Variants in GSTCD observed in about 807,000 individuals in gnomAD.
GSTCD encodes glutathione S-transferase C-terminal domain containing, also known as glutathione S-transferase C-terminal domain-containing protein.
In GSTCD, 44 loss-of-function variants were observed where a neutral mutation model predicts 68.3. The ratio of observed to expected loss-of-function variants is 0.64; its 90% CI spans 0.51 to 0.83. GSTCD has a LOEUF of 0.83. Among genes scored for constraint, GSTCD ranks in the 40% least tolerant of loss-of-function variants. GSTCD has a pLI of 0.00. For missense variants in GSTCD, 739 were observed against 735.9 expected, an observed-to-expected ratio of 1.00 and a Z score of -0.05; for synonymous variants, 273 against 255.2, an observed-to-expected ratio of 1.07 and a Z score of -0.67.
intron 5 of GSTCD, among the ~76,000 whole-genome samples, chr4:105,753,639 A>G (rs1014329530): frequency 3.3e-5 from 5 of 151,996 alleles, no homozygotes; most frequent in African/African-American, 1.2e-4. Context: ...ATGTACAAAT[A>G]TTATGCCATT....
At chr4:105,771,230 T>C (rs538529519) in intron 5 of GSTCD, among the ~76,000 whole-genome samples, 1 of 152,290 alleles carries the variant, frequency 6.6e-6, no homozygotes, top group Admixed American at 6.5e-5. Context: ...TTTTTTTTCT[T>C]GCAAATTTGT....
intron 10 of GSTCD, among the ~76,000 whole-genome samples, chr4:105,841,061 A>G (rs558464486): frequency 7.9e-5 from 12 of 152,270 alleles, no homozygotes; most frequent in Non-Finnish European, 1.6e-4. Context: ...CATGCCTGTA[A>G]TCCCAGCACT....
intron 3 of GSTCD, among the ~76,000 whole-genome samples, chr4:105,719,768 CTCAA>C (rs1732803580): frequency 1.3e-5 from 2 of 152,198 alleles, no homozygotes; most frequent in South Asian, 2.1e-4. Flanking sequence ...ATAGTAAGCT[CTCAA>C]TCAAAGTTAG....
intron 9 of GSTCD, among the ~76,000 whole-genome samples, chr4:105,835,622 A>ATCTCTTCTCTCCTTC: frequency 6.6e-6 from 1 of 152,072 alleles, no homozygotes. Flanking sequence ...GAAGGGCCGC[A>ATCTCTTCTCTCCTTC]TCTCTTCTCT....
Position 105,714,463 on chromosome 4 carries a change from A to ATT in GSTCD, c.-21-3118_-21-3117dup, listed in dbSNP as rs200198978. Reference sequence around the variant, plus strand: ...AGCTAGAAAAGAAAAAAGAGGAAGGATTTTTTTTTTTTTGCCTGTGATATT... The same window carrying ATT: ...AGCTAGAAAAGAAAAAAGAGGAAGGATTTTTTTTTTTTTTTGCCTGTGATATT... On this transcript the variant is annotated intron_variant, in intron 1 of 11. Coordinates refer to ENST00000515279, the MANE Select transcript of GSTCD (RefSeq NM_001370181.1). 1.8e-4 allele frequency among the ~76,000 whole-genome samples: 26 copies of ATT among 144,390 alleles called. No homozygotes were observed. The East Asian group carries it at 3.8e-3, about 21-fold the overall frequency. 94.7% of individuals were successfully genotyped at this position (144,390 alleles called of 152,430 possible).
intron 8 of GSTCD, among the ~76,000 whole-genome samples, chr4:105,831,248 A>C (rs896919661): frequency 2.0e-5 from 3 of 152,190 alleles, no homozygotes; most frequent in African/African-American, 7.2e-5. Context: ...CCTTCTTCGA[A>C]AAGCAACACC....
intron 5 of GSTCD, among the ~76,000 whole-genome samples, chr4:105,755,237 C>A (rs961583466): frequency 6.6e-5 from 10 of 151,490 alleles, no homozygotes; most frequent in Admixed American, 5.3e-4. Flanking sequence ...CAGTGAGACC[C>A]TGTCAAGGTA....
intron 5 of GSTCD, among the ~76,000 whole-genome samples, chr4:105,759,506 C>T (rs1051602678): frequency 5.9e-5 from 9 of 152,008 alleles, no homozygotes; most frequent in Non-Finnish European, 2.9e-5. Context: ...ATGCCCTTAC[C>T]AACTGGATCC....
At chr4:105,746,627 T>C (rs554387561) in intron 5 of GSTCD, among the ~76,000 whole-genome samples, 3 of 152,146 alleles carry the variant, frequency 2.0e-5, no homozygotes. Context: ...GAAGTATGAA[T>C]TTTTTTAATT....
intron 5 of GSTCD, among the ~76,000 whole-genome samples, chr4:105,775,293 A>G (rs1017350464): frequency 2.0e-5 from 3 of 152,120 alleles, no homozygotes; most frequent in African/African-American, 7.2e-5. Flanking sequence ...GCATTGGGTT[A>G]GAACATGTTC....
intron 5 of GSTCD, among the ~76,000 whole-genome samples, chr4:105,787,046 G>A (rs376576794): frequency 6.6e-6 from 1 of 152,010 alleles, no homozygotes; most frequent in African/African-American, 2.4e-5. Flanking sequence ...GAATGGTCAT[G>A]TATGTGCTAT....
intron 5 of GSTCD, among the ~76,000 whole-genome samples, chr4:105,757,388 T>C (rs1220726777): frequency 6.6e-6 from 1 of 152,242 alleles, no homozygotes; most frequent in African/African-American, 2.4e-5. Flanking sequence ...TTTTCACTAA[T>C]CTGTTAATAC....
chr4:105,790,286 C>G (rs1735614676), intron 5 of GSTCD, among the ~76,000 whole-genome samples: 2 of 152,028 alleles, frequency 1.3e-5, no homozygotes, highest in Admixed American at 6.5e-5. Context: ...GTATGCTTTA[C>G]AAATCCTTAC....
chr4:105,722,790 T>C (rs1732913913), intron 3 of GSTCD, among the ~76,000 whole-genome samples: 2 of 151,884 alleles, frequency 1.3e-5, no homozygotes, highest in African/African-American at 4.8e-5. Context: ...TTTCTTGTCC[T>C]TAAAGAACTC....
intron 5 of GSTCD, among the ~76,000 whole-genome samples, chr4:105,752,471 C>CT (rs1734039972): frequency 6.6e-6 from 1 of 151,970 alleles, no homozygotes; most frequent in African/African-American, 2.4e-5. Flanking sequence ...AGAAGTATTG[C>CT]TTTTTAAAAC....
chr4:105,828,872 G>A (rs575630743), intron 8 of GSTCD, among the ~76,000 whole-genome samples: 138 of 152,172 alleles, frequency 9.1e-4, no homozygotes, highest in African/African-American at 3.2e-3. Flanking sequence ...CTCGTCTTGT[G>A]TAAACAAGAA....
intron 5 of GSTCD, among the ~76,000 whole-genome samples, chr4:105,744,603 A>G (rs925966466): frequency 1.3e-5 from 2 of 152,168 alleles, no homozygotes; most frequent in African/African-American, 4.8e-5. Context: ...TTAATGCTCA[A>G]GTTATCCCAG....
intron 5 of GSTCD, among the ~76,000 whole-genome samples, chr4:105,756,553 T>C (rs1269287177): frequency 7.9e-6 from 1 of 127,212 alleles, no homozygotes; most frequent in Non-Finnish European, 1.7e-5. Context: ...CGCATACATA[T>C]ATGTATATAT....
chr4:105,743,319 TG>T (rs1186591012), intron 5 of GSTCD, among the ~76,000 whole-genome samples: 12 of 152,146 alleles, frequency 7.9e-5, no homozygotes, highest in African/African-American at 2.7e-4. Flanking sequence ...TTTATGTACA[TG>T]TTTTTTTTCT....
Sources: gnomAD v4.1 joint callset for allele counts (sites outside exome capture counted in the v4.1 genomes callset) on GRCh38, gnomAD v4.1.1 for gene constraint, MANE v1.5 for transcripts, NCBI Gene and HGNC (gene_info 2026-07-23, HGNC 2026-07-21) for gene names.